Variants in PTGER3 observed in about 807,000 individuals in gnomAD.
PTGER3 encodes the protein prostaglandin E2 receptor EP3 subtype.
A neutral mutation model predicts 34.7 loss-of-function variants in PTGER3; 22 were observed. The observed-to-expected ratio is 0.63, with a 90% CI of 0.45 to 0.91. The LOEUF (loss-of-function observed/expected upper bound fraction) is 0.91. PTGER3 is among the 40% of genes least tolerant of loss of function. PTGER3 has a pLI of 0.00. For missense variants in PTGER3, 468 were observed against 519.4 expected (o/e 0.90, Z 0.96); for synonymous variants, 241 against 230.1 (o/e 1.05, Z -0.43).
At chr1:70,885,671 T>C (rs1646483073) in intron 4 of PTGER3, among the ~76,000 whole-genome samples, 1 of 152,074 alleles carries the variant, frequency 6.6e-6, no homozygotes, top group Non-Finnish European at 1.5e-5. Context: ...TGTGCTAGGC[T>C]CTGAGGGCCC....
chr1:70,982,532 C>T (rs899996413), intron 2 of PTGER3, among the ~76,000 whole-genome samples: 1 of 152,162 alleles, frequency 6.6e-6, no homozygotes, highest in African/African-American at 2.4e-5. Context: ...TCATTACACA[C>T]ATACATACTC....
chr1:70,905,017 C>T (rs1268122744), intron 4 of PTGER3, among the ~76,000 whole-genome samples: 1 of 152,136 alleles, frequency 6.6e-6, no homozygotes, highest in Non-Finnish European at 1.5e-5. Context: ...GGACTTGGTG[C>T]CCTGTGTCTC....
chr1:71,015,070 C>T lies in PTGER3; in HGVS notation c.898-2586G>A, dbSNP rs539116086. 3.3e-5 allele frequency among the ~76,000 whole-genome samples: 5 copies of T among 152,286 alleles called. No homozygotes were observed. In the East Asian group the frequency reaches 9.6e-4, roughly 29 times the overall value. Reference sequence around the variant, plus strand: ...GGTTTTATTCTTTCCTCCCTCTTGGCCTTTATTCTTTCTTTTTTCTACCCC... The same window carrying T: ...GGTTTTATTCTTTCCTCCCTCTTGGTCTTTATTCTTTCTTTTTTCTACCCC... On this transcript the variant is annotated intron_variant, in intron 1 of 3. Coordinates refer to ENST00000306666, the MANE Select transcript of PTGER3 (RefSeq NM_198719.2).
At chr1:70,989,861 A>G (rs1557717829) in intron 2 of PTGER3, among the ~76,000 whole-genome samples, 1 of 152,102 alleles carries the variant, frequency 6.6e-6, no homozygotes, top group Non-Finnish European at 1.5e-5. Context: ...GAATTATCAA[A>G]AACATATTAC....
chr1:71,015,314 A>G (rs909855415), intron 1 of PTGER3, among the ~76,000 whole-genome samples: 1 of 152,190 alleles, frequency 6.6e-6, no homozygotes, highest in Non-Finnish European at 1.5e-5. Context: ...TGGGGGAAGA[A>G]AATGTGGGTC....
chr1:70,991,552 G>C (rs1655483596), intron 2 of PTGER3, among the ~76,000 whole-genome samples: 1 of 152,176 alleles, frequency 6.6e-6, no homozygotes, highest in South Asian at 2.1e-4. Flanking sequence ...GGGAACTGCA[G>C]GGAGATGCAT....
At chr1:71,008,963 A>G (rs1657206969) in intron 2 of PTGER3, 1 of 982,844 alleles carries the variant, frequency 1.0e-6, no homozygotes, top group African/African-American at 1.7e-5. Flanking sequence ...ATAAATAGAT[A>G]TTATGCATGT....
chr1:70,858,005 A>G (rs1391804160), intron 4 of PTGER3, among the ~76,000 whole-genome samples: 1 of 152,188 alleles, frequency 6.6e-6, no homozygotes, highest in African/African-American at 2.4e-5. Context: ...TATTTTTACT[A>G]CAATATGCTT....
rs542012417 is a variant in PTGER3 at position 71,043,809 on chromosome 1, T to A, written c.897+2872A>T. On this transcript the variant is annotated intron_variant, in intron 1 of 3. Coordinates refer to ENST00000306666, the MANE Select transcript of PTGER3 (RefSeq NM_198719.2). ...AAATCTTTTTGAAGATATTTGGAGT[T>A]TTTTTTTTGTTTTTTGTTTTTTTTT... Among the ~76,000 whole-genome samples, 378 of 150,650 alleles carry A rather than the reference T, an allele frequency of 2.5e-3. 14 individuals are homozygous for A. The East Asian group carries it at 0.064, about 26-fold the overall frequency.
At chr1:70,925,046 C>T (rs1002914786) in intron 4 of PTGER3, among the ~76,000 whole-genome samples, 2 of 152,130 alleles carry the variant, frequency 1.3e-5, no homozygotes, top group Non-Finnish European at 2.9e-5. Context: ...TTTCTGTCAC[C>T]CAGTCTGGAG....
intron 2 of PTGER3, among the ~76,000 whole-genome samples, chr1:70,999,200 A>T (rs1486133029): frequency 1.3e-5 from 2 of 152,266 alleles, no homozygotes; most frequent in African/African-American, 4.8e-5. Context: ...AAACATCAAG[A>T]TGTACAAATT....
chr1:70,897,575 C>T lies in PTGER3; in HGVS notation c.*24-44716G>A, dbSNP rs150742217. Among the ~76,000 whole-genome samples the T allele has an allele frequency of 4.0e-3, 613 of 152,224 alleles. 1 individual carries two copies. Among genetic ancestry groups the T allele is most frequent in the African/African-American group, 0.014 (582 of 41,544 alleles). On this transcript the variant is annotated intron_variant, in intron 4 of 4. Transcript: ENST00000370931. ...GTTTCCATTCTATCAAGCTGCCTGC[C>T]GGTACAACCCACCAAACTGGCATAT... is the stretch of plus-strand genomic sequence containing the variant.
intron 2 of PTGER3, chr1:70,997,107 A>C (rs1656058407): frequency 6.6e-6 from 1 of 152,142 alleles, no homozygotes; most frequent in African/African-American, 2.4e-5. Context: ...CCCTGTCTCT[A>C]CTAAAAATAC....
chr1:70,971,400 C>T lies in PTGER3; in HGVS notation c.*330G>A, dbSNP rs569511328. 52 of 1,054,226 alleles carry T rather than the reference C, an allele frequency of 4.9e-5. No individual in the cohort carries two copies. Among genetic ancestry groups the T allele is most frequent in the African/African-American group, 2.0e-4 (12 of 59,936 alleles). The allele number at this position is 1,054,226 out of a possible 1,614,324, so 65.3% of individuals were successfully genotyped here. ...AGATGTCCACTTTGGTTAAGATTCA[C>T]GTAAAGGTTTGAAGTTGGAGAAAAC... On this transcript the variant is annotated 3_prime_UTR_variant, in exon 4 of 4. Coordinates refer to ENST00000306666, the MANE Select transcript of PTGER3 (RefSeq NM_198719.2).
At chr1:70,927,679 G>A (rs930335943) in intron 4 of PTGER3, among the ~76,000 whole-genome samples, 1 of 152,088 alleles carries the variant, frequency 6.6e-6, no homozygotes, top group Admixed American at 6.6e-5. Context: ...AGCATATCAA[G>A]TAAAAAAGGA....
downstream of PTGER3, chr1:70,952,340 C>G: frequency 1.1e-6 from 1 of 881,056 alleles, no homozygotes; most frequent in South Asian, 5.2e-5. Flanking sequence ...CCTTAAAGCC[C>G]CTTCTACTAC....
intron 1 of PTGER3, among the ~76,000 whole-genome samples, chr1:71,022,340 C>T (rs1235711372): frequency 6.6e-6 from 1 of 151,738 alleles, no homozygotes; most frequent in Non-Finnish European, 1.5e-5. Flanking sequence ...AAACATTTAG[C>T]TTGATCAACA....
chr1:70,893,839 T>TTTAA (rs1646669248), intron 4 of PTGER3, among the ~76,000 whole-genome samples: 1 of 152,204 alleles, frequency 6.6e-6, no homozygotes, highest in Non-Finnish European at 1.5e-5. Context: ...TCCTTGATAT[T>TTTAA]TTAATTACAT....
At chr1:70,974,701 C>T (rs1653510919) in intron 2 of PTGER3, among the ~76,000 whole-genome samples, 1 of 152,132 alleles carries the variant, frequency 6.6e-6, no homozygotes, top group African/African-American at 2.4e-5. Context: ...TCTAATTCAA[C>T]CACCCTCCAG....
Sources: gnomAD v4.1 joint callset for allele counts (sites outside exome capture counted in the v4.1 genomes callset) on GRCh38, gnomAD v4.1.1 for gene constraint, MANE v1.5 for transcripts, NCBI Gene and HGNC (gene_info 2026-07-23, HGNC 2026-07-21) for gene names.